Variants in EFCAB11 observed in about 807,000 individuals in gnomAD.
EFCAB11 encodes EF-hand calcium binding domain 11.
In EFCAB11, 14 loss-of-function variants were observed where a neutral mutation model predicts 23.0. That is an observed-to-expected ratio of 0.61 (90% CI 0.40 to 0.95). The LOEUF (loss-of-function observed/expected upper bound fraction) is 0.95. Ranked by LOEUF, EFCAB11 falls within the 40% of genes least tolerant of loss-of-function variation. EFCAB11 has a pLI of 0.00. For synonymous variants in EFCAB11, 65 were observed against 66.6 expected (o/e 0.98, Z 0.11); for missense variants, 198 against 195.8 (o/e 1.01, Z -0.07).
At position 89,954,560 on chromosome 14, in the gene EFCAB11, G is replaced by A. The variant is rs555583326; in HGVS notation, c.75+26C>T. 1.6e-4 allele frequency: 264 copies of A among 1,611,996 alleles called. 2 individuals carry two copies. The South Asian group carries it at 2.8e-3, about 17-fold the overall frequency. ...AGGCCCAGGCCAAGCTGAAGTCCGA[G>A]GCTCAGTCGCCCTCCGGAAACCTAC... On this transcript the variant is annotated intron_variant, in intron 1 of 5. Transcript: ENST00000316738.
chr14:89,879,708 T>C (rs1250103974), intron 5 of EFCAB11, among the ~76,000 whole-genome samples: 1 of 152,218 alleles, frequency 6.6e-6, no homozygotes, highest in Non-Finnish European at 1.5e-5. Context: ...TGGGCTCATA[T>C]AGACTCTTGT....
chr14:89,853,371 T>A (rs1887654756), intron 5 of EFCAB11, among the ~76,000 whole-genome samples: 1 of 152,226 alleles, frequency 6.6e-6, no homozygotes, highest in Non-Finnish European at 1.5e-5. Context: ...ATATATATTG[T>A]TAGCATTTAT....
chr14:89,870,084 T>C (rs1023942775), intron 5 of EFCAB11, among the ~76,000 whole-genome samples: 8 of 152,222 alleles, frequency 5.3e-5, no homozygotes, highest in Non-Finnish European at 1.0e-4. Flanking sequence ...GTGAGGTTGG[T>C]AGAGTACATA....
At chr14:89,874,623 C>T (rs919619905) in intron 5 of EFCAB11, among the ~76,000 whole-genome samples, 6 of 152,128 alleles carry the variant, frequency 3.9e-5, no homozygotes, top group Non-Finnish European at 7.4e-5. Context: ...GTCAGCTGGG[C>T]GTGGTGGCTC....
intron 5 of EFCAB11, among the ~76,000 whole-genome samples, chr14:89,885,731 G>GAGAAAGAA (rs1566796818): frequency 1.4e-3 from 177 of 128,906 alleles, no homozygotes; most frequent in African/African-American, 5.0e-3. Context: ...GAGAGAAAGA[G>GAGAAAGAA]AGAGAGAGAG....
chr14:89,915,473 G>A (rs965479559), intron 5 of EFCAB11, among the ~76,000 whole-genome samples: 6 of 152,230 alleles, frequency 3.9e-5, no homozygotes, highest in African/African-American at 1.4e-4. Context: ...GGTGAAAGAG[G>A]TGTACTGCAA....
chr14:89,914,623 A>G (rs1233746993), intron 5 of EFCAB11, among the ~76,000 whole-genome samples: 2 of 152,084 alleles, frequency 1.3e-5, no homozygotes, highest in Non-Finnish European at 1.5e-5. Flanking sequence ...CGTCTCTACT[A>G]AAAATACAAA....
rs1396100197 is a variant in EFCAB11, at chr14:89,932,783, A to G, written c.218-156T>C. 9.2e-5 allele frequency among the ~76,000 whole-genome samples: 14 copies of G among 152,208 alleles called. 1 individual carries two copies. The highest frequency in any genetic ancestry group is 7.9e-4 in the Admixed American group (12 of 15,274). ...ACTCAAGATCTGTGAAGTTTCCTGA[A>G]GACCGAAAAAGGCATTTTGCTAAAT... On this transcript the variant is annotated intron_variant, in intron 3 of 5. Coordinates refer to ENST00000316738, the MANE Select transcript of EFCAB11 (RefSeq NM_145231.4).
intron 5 of EFCAB11, among the ~76,000 whole-genome samples, chr14:89,825,102 C>CAAA (rs35074143): frequency 2.0e-4 from 12 of 60,160 alleles, no homozygotes; most frequent in Non-Finnish European, 2.5e-4. Context: ...ATGCTGGGAC[C>CAAA]AAAAAAAAAA....
chr14:89,909,863 T>C (rs1308323422), intron 5 of EFCAB11, among the ~76,000 whole-genome samples: 1 of 152,142 alleles, frequency 6.6e-6, no homozygotes, highest in African/African-American at 2.4e-5. Flanking sequence ...CCTCCCTCCT[T>C]CCCTGGCTAA....
chr14:89,862,731 A>G (rs184398386), intron 5 of EFCAB11, among the ~76,000 whole-genome samples: 1 of 152,332 alleles, frequency 6.6e-6, no homozygotes, highest in African/African-American at 2.4e-5. Flanking sequence ...ACATCATCAA[A>G]CATGTTAATG....
At chr14:89,859,906 A>T (rs1277446396) in intron 5 of EFCAB11, among the ~76,000 whole-genome samples, 1 of 152,196 alleles carries the variant, frequency 6.6e-6, no homozygotes, top group Non-Finnish European at 1.5e-5. Flanking sequence ...TTTTATTTGA[A>T]TGAGACCAAA....
chr14:89,938,602 C>T (rs1472129708), intron 3 of EFCAB11, among the ~76,000 whole-genome samples: 1 of 151,420 alleles, frequency 6.6e-6, no homozygotes, highest in Non-Finnish European at 1.5e-5. Flanking sequence ...TCAAGTTTTA[C>T]TATATAATTG....
rs140453257 is a variant in EFCAB11 at position 89,824,188 on chromosome 14, C to T, written c.411-26864G>A. On this transcript the variant is annotated intron_variant, in intron 5 of 5. Coordinates refer to ENST00000316738, the MANE Select transcript of EFCAB11 (RefSeq NM_145231.4). ...AGTATCTTAAAAGCAGAGAAAAAGA[C>T]ATACTTGTTCAGAGAAAAAAATATA... Among the ~76,000 whole-genome samples the T allele has an allele frequency of 6.5e-3, 994 of 152,188 alleles. 8 individuals carry two copies. Among genetic ancestry groups the T allele is most frequent in the African/African-American group, 0.023 (956 of 41,528 alleles).
chr14:89,928,722 A>G (rs961490353), intron 5 of EFCAB11, among the ~76,000 whole-genome samples: 2 of 146,760 alleles, frequency 1.4e-5, no homozygotes, highest in Admixed American at 6.9e-5. Flanking sequence ...AATAATATAT[A>G]ATTCTGTTGT....
Position 89,951,935 on chromosome 14 carries a change from T to C in EFCAB11, c.172-1793A>G, listed in dbSNP as rs1891182990. The stretch of plus-strand genomic sequence containing the variant: ...GCAAGACTGCATCTCAACAAATAAA[T>C]AAACTTAATTATGTAAAAAACTGCA... On this transcript the variant is annotated intron_variant, in intron 2 of 5. Coordinates refer to ENST00000316738, the MANE Select transcript of EFCAB11 (RefSeq NM_145231.4). Among the ~76,000 whole-genome samples the C allele has an allele frequency of 1.3e-5, 2 of 152,046 alleles. 1 individual carries two copies. The highest frequency in any genetic ancestry group is 4.1e-4 in the South Asian group (2 of 4,828).
chr14:89,903,067 T>C (rs1317155005), intron 5 of EFCAB11, among the ~76,000 whole-genome samples: 1 of 152,220 alleles, frequency 6.6e-6, no homozygotes, highest in Non-Finnish European at 1.5e-5. Context: ...AACAGCCCCA[T>C]GAACAATGCC....
intron 5 of EFCAB11, among the ~76,000 whole-genome samples, chr14:89,804,816 T>A (rs1183608861): frequency 1.3e-5 from 2 of 152,184 alleles, no homozygotes; most frequent in Admixed American, 6.5e-5. Context: ...TTCCAAGCAA[T>A]TAAAATGCCA....
intron 5 of EFCAB11, among the ~76,000 whole-genome samples, chr14:89,826,917 T>C (rs1244898094): frequency 2.6e-5 from 4 of 152,162 alleles, no homozygotes. Flanking sequence ...CCATTTCACA[T>C]TGACAAGCTG....
Sources: allele counts gnomAD v4.1 joint callset (sites outside exome capture counted in the v4.1 genomes callset), GRCh38; gene constraint gnomAD v4.1.1; transcripts MANE v1.5; gene names NCBI Gene and HGNC (gene_info 2026-07-23, HGNC 2026-07-21).